Variants in SCNN1A observed in about 807,000 individuals in gnomAD.
SCNN1A encodes the protein sodium channel epithelial 1 subunit alpha, also known as epithelial sodium channel subunit alpha.
In SCNN1A, 65 loss-of-function variants were observed where a neutral mutation model predicts 68.6. The observed-to-expected ratio is 0.95, with a 90% CI of 0.78 to 1.16. The LOEUF (loss-of-function observed/expected upper bound fraction) is 1.16, where lower values mean the gene tolerates loss of function less well. Ranked by LOEUF, SCNN1A falls within the 50% of genes most tolerant of loss-of-function variation. The pLI is 0.00. For missense variants in SCNN1A, 880 were observed against 865.9 expected (o/e 1.02, Z -0.20); for synonymous variants, 357 against 353.3 (o/e 1.01, Z -0.12).
intron 2 of SCNN1A, among the ~76,000 whole-genome samples, chr12:6,366,487 A>T (rs1948681729): frequency 1.3e-5 from 2 of 152,322 alleles, no homozygotes; most frequent in South Asian, 2.1e-4. Context: ...GCCGCACCCG[A>T]AACACATTAG....
rs1307326684 is a variant in SCNN1A at position 6,372,998 on chromosome 12, C to T, written c.416+1370G>A. 6.6e-6 allele frequency among the ~76,000 whole-genome samples: 1 copy of T among 152,102 alleles called. No homozygotes were observed. The highest frequency in any genetic ancestry group is 1.9e-4 in the East Asian group (1 of 5,190). On this transcript the variant is annotated intron_variant, in intron 2 of 12. Coordinates refer to ENST00000228916, the MANE Select transcript of SCNN1A (RefSeq NM_001038.6). The surrounding 1 kb of genome is among the most constrained non-coding windows in gnomAD (Gnocchi z 5.8). ...TGTAAAATAGGGATAACAATAGCACCGGGCTTGTAAGATGTGAGAATGAAA... is the reference window on the plus strand; with the variant it reads ...TGTAAAATAGGGATAACAATAGCACTGGGCTTGTAAGATGTGAGAATGAAA...
chr12:6,363,485 G>T lies in SCNN1A; in HGVS notation c.642C>A (p.Asn214Lys), dbSNP rs1295850311. 6.2e-7 allele frequency: 1 copy of T among 1,606,972 alleles called. No individual in the cohort carries two copies. Among genetic ancestry groups the T allele is most frequent in the Non-Finnish European group, 8.5e-7 (1 of 1,177,014 alleles). The change falls in exon 3 of 13, where the codon AAC becomes AAA. Residue 214 changes from asparagine (N) to lysine (K), a missense_variant. Coordinates refer to ENST00000228916, the MANE Select transcript of SCNN1A (RefSeq NM_001038.6). ...TCCAGTCCTTCCAGTCCACCTGGGG[G>T]TTGTTGTCCCGCAAGCTGGAGGCCA... Reference protein sequence around the residue: ...RSVASSLRDNNPQVDWKDWKI... With the variant: ...RSVASSLRDNKPQVDWKDWKI...
intron 2 of SCNN1A, among the ~76,000 whole-genome samples, chr12:6,366,420 A>G (rs777047802): frequency 6.6e-6 from 1 of 152,210 alleles, no homozygotes; most frequent in Non-Finnish European, 1.5e-5. Flanking sequence ...ATTGATGAAC[A>G]TATTAAGAAG....
intron 2 of SCNN1A, among the ~76,000 whole-genome samples, chr12:6,365,026 CTTT>C (rs56408845): frequency 2.2e-5 from 3 of 136,754 alleles, no homozygotes; most frequent in Non-Finnish European, 3.1e-5. Flanking sequence ...AAAATTCCAG[CTTT>C]TTTTTTTTTT....
intron 4 of SCNN1A, among the ~76,000 whole-genome samples, chr12:6,360,992 G>A (rs1948572188): frequency 6.6e-6 from 1 of 152,196 alleles, no homozygotes; most frequent in African/African-American, 2.4e-5. Context: ...ATTTACTGTG[G>A]TCTATAAAGT....
chr12:6,355,168 C>T, intron 6 of SCNN1A, 104 bp downstream of exon 6: 1 of 1,332,218 alleles, frequency 7.5e-7, no homozygotes, highest in Non-Finnish European at 1.1e-6. Context: ...TCCACATGCT[C>T]AAGGCCCACC....
chr12:6,348,185 C>A lies in SCNN1A; in HGVS notation c.1698G>T (p.Val566=), dbSNP rs746962921. 6.2e-7 allele frequency: 1 copy of A among 1,614,134 alleles called. No individual in the cohort carries two copies. The highest frequency in any genetic ancestry group is 2.2e-5 in the East Asian group (1 of 44,878). The change falls in exon 13 of 13, where the codon GTG becomes GTT. Residue 566 remains valine (V), a synonymous_variant. Transcript: ENST00000228916. ...SLWFGSSVLS[V]VEMAELVFDL... ...CAAAGACGAGCTCAGCCATCTCCAC[C>A]ACAGACAACACCGAGGAGCCGAACC...
intron 2 of SCNN1A, among the ~76,000 whole-genome samples, chr12:6,365,565 A>G (rs1197425377): frequency 6.6e-6 from 1 of 152,248 alleles, no homozygotes; most frequent in Admixed American, 6.5e-5. Flanking sequence ...TGGTCAACTG[A>G]TTTTTGGCCA....
At chr12:6,350,542 A>C (rs1417256215) in intron 8 of SCNN1A, among the ~76,000 whole-genome samples, 1 of 152,114 alleles carries the variant, frequency 6.6e-6, no homozygotes, top group Non-Finnish European at 1.5e-5. Context: ...GTGTTATTTA[A>C]AAAAAGACAA....
chr12:6,354,869 A>G, intron 6 of SCNN1A, 21 bp from the exon 7 acceptor site: 1 of 1,592,700 alleles, frequency 6.3e-7, no homozygotes, highest in Non-Finnish European at 8.6e-7. Context: ...ACATACACCA[A>G]GAGATCAGAG....
At chr12:6,377,023 G>A (rs1223663224), upstream of SCNN1A, 3 of 468,068 alleles carry the variant, frequency 6.4e-6, no homozygotes, top group Non-Finnish European at 7.6e-6. Context: ...AAGGGCTAGG[G>A]GAGCCTAGGG....
chr12:6,368,550 C>T (rs1289148495), intron 2 of SCNN1A, among the ~76,000 whole-genome samples: 2 of 152,238 alleles, frequency 1.3e-5, no homozygotes, highest in Non-Finnish European at 2.9e-5. Flanking sequence ...ATGATTTAAT[C>T]TTCAGTGTAA....
intron 3 of SCNN1A, 99 bp from the exon 4 acceptor site, chr12:6,362,340 T>C (rs1393851362): frequency 2.8e-6 from 3 of 1,084,326 alleles, no homozygotes; most frequent in Non-Finnish European, 4.3e-6. Flanking sequence ...TTCTGAGGAC[T>C]GACGGACAGG....
chr12:6,349,490 G>T, intron 8 of SCNN1A, 85 bp from the exon 9 acceptor site: 2 of 921,156 alleles, frequency 2.2e-6, no homozygotes, highest in Non-Finnish European at 3.5e-6. Context: ...AGATCCCTGG[G>T]TACCCACTTT....
chr12:6,350,401 T>A (rs1346893036), intron 8 of SCNN1A, among the ~76,000 whole-genome samples: 2 of 145,352 alleles, frequency 1.4e-5, no homozygotes, highest in African/African-American at 5.2e-5. Flanking sequence ...CATTGCACAC[T>A]CTAGCCTGGG....
chr12:6,363,414 G>C, intron 3 of SCNN1A, 29 bp downstream of exon 3: 4 of 1,503,186 alleles, frequency 2.7e-6, no homozygotes, highest in Non-Finnish European at 3.6e-6. Flanking sequence ...CGAGGGGCGG[G>C]GCGGGCCCCT....
At chr12:6,348,844 G>T in intron 11 of SCNN1A, 42 bp from the exon 12 acceptor site, 1 of 1,604,754 alleles carries the variant, frequency 6.2e-7, no homozygotes, top group South Asian at 1.1e-5. Context: ...GGTAGAGGAT[G>T]AATTTCCTGG....
At chr12:6,364,174 C>T (rs139231743) in intron 2 of SCNN1A, 570 of 154,428 alleles carry the variant, frequency 3.7e-3, no homozygotes, top group African/African-American at 0.013. Flanking sequence ...GAGTTCACAA[C>T]TGAACTTTTA....
At position 6,351,675 on chromosome 12, in the gene SCNN1A, G is replaced by A. The variant is rs570195313; in HGVS notation, c.1361-2270C>T. Among the ~76,000 whole-genome samples, 2 of 151,986 alleles carry A rather than the reference G, an allele frequency of 1.3e-5. No individual in the cohort carries two copies. Among genetic ancestry groups the A allele is most frequent in the African/African-American group, 2.4e-5 (1 of 41,394 alleles). ...TTCAGAATAGGCAAATCCATAGAGA[G>A]AGAAAGAAAGAATCGTGGTTGCCCA... On this transcript the variant is annotated intron_variant, in intron 8 of 12. Coordinates refer to ENST00000228916, the MANE Select transcript of SCNN1A (RefSeq NM_001038.6). The surrounding 1 kb of genome is among the most constrained non-coding windows in gnomAD (Gnocchi z 4.2).
Sources: gnomAD v4.1 joint callset for allele counts (sites outside exome capture counted in the v4.1 genomes callset) on GRCh38, gnomAD v4.1.1 for gene constraint, Gnocchi (gnomAD v3.1) non-coding constraint, MANE v1.5 for transcripts, NCBI Gene and HGNC (gene_info 2026-07-23, HGNC 2026-07-21) for gene names.